The following RALGPS1 variants were observed in gnomAD, a reference collection of about 807,000 sequenced individuals.
RALGPS1 encodes Ral GEF with PH domain and SH3 binding motif 1.
In RALGPS1, 19 loss-of-function variants were observed where a neutral mutation model predicts 78.8. The observed-to-expected ratio is 0.24, with a 90% CI of 0.17 to 0.35. The LOEUF is 0.35. RALGPS1 is among the 10% of genes least tolerant of loss of function. The probability of loss-of-function intolerance (pLI) is 1.00; values close to 1 mark genes in which losing one functional copy is unlikely to be tolerated. For synonymous variants in RALGPS1, 228 were observed against 256.3 expected, an observed-to-expected ratio of 0.89 and a Z score of 1.06; for missense variants, 454 against 688.3, an observed-to-expected ratio of 0.66 and a Z score of 3.81.
chr9:127,164,760 G>A (rs979260762), intron 8 of RALGPS1, among the ~76,000 whole-genome samples: 5 of 151,736 alleles, frequency 3.3e-5, no homozygotes, highest in African/African-American at 9.7e-5. Flanking sequence ...GGCTGGTTCC[G>A]AGCTCCTAGG....
chr9:127,131,834 C>T (rs1387176133), intron 8 of RALGPS1, among the ~76,000 whole-genome samples: 5 of 152,270 alleles, frequency 3.3e-5, no homozygotes, highest in Middle Eastern at 3.4e-3. Flanking sequence ...GGTCCTTGTG[C>T]TCACCACTTC....
intron 4 of RALGPS1, among the ~76,000 whole-genome samples, chr9:127,005,709 G>A (rs2043775211): frequency 6.6e-6 from 1 of 152,152 alleles, no homozygotes; most frequent in African/African-American, 2.4e-5. Context: ...GAAAGGAAAG[G>A]AAAACTCACA....
At chr9:127,050,423 C>CAGG (rs2048203286) in intron 6 of RALGPS1, among the ~76,000 whole-genome samples, 1 of 152,352 alleles carries the variant, frequency 6.6e-6, no homozygotes, top group East Asian at 1.9e-4. Flanking sequence ...CTCCGCAAGG[C>CAGG]AGGACCCAGA....
chr9:127,147,590 G>A (rs957126922), intron 8 of RALGPS1, among the ~76,000 whole-genome samples: 1 of 152,178 alleles, frequency 6.6e-6, no homozygotes, highest in Non-Finnish European at 1.5e-5. Flanking sequence ...TTAATCTTCT[G>A]CATATGGTTA....
chr9:126,934,715 T>C (rs1420340866), intron 1 of RALGPS1, among the ~76,000 whole-genome samples: 1 of 152,174 alleles, frequency 6.6e-6, no homozygotes, highest in Admixed American at 6.5e-5. Context: ...CTCTTTTTGC[T>C]ACCCTGTCAT....
chr9:126,965,355 A>G (rs890746211), intron 2 of RALGPS1, among the ~76,000 whole-genome samples: 1 of 152,194 alleles, frequency 6.6e-6, no homozygotes, highest in Non-Finnish European at 1.5e-5. Flanking sequence ...AAACCAGGTA[A>G]TGTTTGAAAG....
intron 6 of RALGPS1, among the ~76,000 whole-genome samples, chr9:127,050,824 G>GT (rs1389319437): frequency 6.6e-6 from 1 of 152,212 alleles, no homozygotes; most frequent in Non-Finnish European, 1.5e-5. Flanking sequence ...CGTGCTGGCT[G>GT]TTTCGCTGCT....
intron 8 of RALGPS1, among the ~76,000 whole-genome samples, chr9:127,153,687 C>T (rs1418816536): frequency 6.6e-6 from 1 of 152,188 alleles, no homozygotes; most frequent in Admixed American, 6.5e-5. Context: ...CTTGCTTCTT[C>T]TAATTGGTCA....
chr9:126,946,457 C>T (rs992361852), intron 1 of RALGPS1, among the ~76,000 whole-genome samples: 3 of 144,898 alleles, frequency 2.1e-5, no homozygotes, highest in African/African-American at 7.5e-5. Flanking sequence ...TTGCTTGAAC[C>T]TGGGAGACGG....
At chr9:127,175,220 A>G (rs1443423368) in intron 11 of RALGPS1, among the ~76,000 whole-genome samples, 2 of 152,216 alleles carry the variant, frequency 1.3e-5, no homozygotes, top group Non-Finnish European at 2.9e-5. Context: ...AGACTTGTGA[A>G]ACACACACAC....
chr9:127,217,815 T>TTC (rs1474025327), intron 18 of RALGPS1: 3 of 152,260 alleles, frequency 2.0e-5, no homozygotes, highest in Non-Finnish European at 4.4e-5. Flanking sequence ...AAGATGCATT[T>TTC]TCTTGTGTCT....
intron 4 of RALGPS1, among the ~76,000 whole-genome samples, chr9:127,011,175 C>G (rs1217448881): frequency 6.6e-6 from 1 of 152,050 alleles, no homozygotes; most frequent in East Asian, 1.9e-4. Context: ...CCACCACCCC[C>G]CAGCCCGCCT....
intron 4 of RALGPS1, among the ~76,000 whole-genome samples, chr9:127,027,918 G>A (rs544039104): frequency 3.9e-5 from 6 of 152,250 alleles, no homozygotes; most frequent in Admixed American, 1.3e-4. Context: ...CTATCTCATC[G>A]TCTTGTTTGT....
At chr9:126,968,086 TC>T (rs2039712504) in intron 3 of RALGPS1, among the ~76,000 whole-genome samples, 2 of 151,570 alleles carry the variant, frequency 1.3e-5, no homozygotes, top group South Asian at 4.2e-4. Flanking sequence ...CACTGAAACT[TC>T]CGCCTCCCAG....
chr9:127,180,929 C>T (rs1399514154), intron 11 of RALGPS1, among the ~76,000 whole-genome samples: 4 of 152,252 alleles, frequency 2.6e-5, no homozygotes, highest in South Asian at 2.1e-4. Flanking sequence ...TGTGGCCCCC[C>T]ACTGTGGCCT....
intron 1 of RALGPS1, among the ~76,000 whole-genome samples, chr9:126,919,350 G>A (rs2119516559): frequency 6.6e-6 from 1 of 152,254 alleles, no homozygotes. Context: ...TTTGTCCTAG[G>A]AAAAAAAGTG....
At chr9:127,071,635 C>G (rs2050212052) in intron 8 of RALGPS1, among the ~76,000 whole-genome samples, 1 of 151,966 alleles carries the variant, frequency 6.6e-6, no homozygotes, top group Admixed American at 6.6e-5. Context: ...TAAGGCTATA[C>G]ATTTTCCTCT....
At chr9:126,987,473 G>A (rs958163205) in intron 4 of RALGPS1, among the ~76,000 whole-genome samples, 15 of 152,192 alleles carry the variant, frequency 9.9e-5, no homozygotes, top group African/African-American at 3.6e-4. Context: ...AGGAGAACCT[G>A]CTCTTCCCTC....
At chr9:126,925,283 A>T (rs2130937275) in intron 1 of RALGPS1, among the ~76,000 whole-genome samples, 1 of 152,226 alleles carries the variant, frequency 6.6e-6, no homozygotes, top group Non-Finnish European at 1.5e-5. Context: ...GTGGTGGCTT[A>T]CACCTGTAAT....
Sources: gnomAD v4.1 joint callset for allele counts (sites outside exome capture counted in the v4.1 genomes callset) on GRCh38, gnomAD v4.1.1 for gene constraint, MANE v1.5 for transcripts, NCBI Gene and HGNC (gene_info 2026-07-23, HGNC 2026-07-21) for gene names.